RALGAPA1: variants seen among roughly 807,000 people sequenced by gnomAD.
RALGAPA1 encodes the protein Ral GTPase activating protein catalytic subunit alpha 1.
RALGAPA1 carries 52 observed loss-of-function variants against 269.6 expected under a neutral mutation model. That is an observed-to-expected ratio of 0.19 (90% CI 0.15 to 0.24). The LOEUF (loss-of-function observed/expected upper bound fraction) is 0.24, where lower values mean the gene tolerates loss of function less well. RALGAPA1 is among the 10% of genes least tolerant of loss of function. The pLI is 1.00. For missense variants in RALGAPA1, 1,917 were observed against 3,013.9 expected (o/e 0.64, Z 8.52); for synonymous variants, 817 against 1,008.3 (o/e 0.81, Z 3.60).
At chr14:35,783,265 T>G (rs2141662658) in intron 1 of RALGAPA1, among the ~76,000 whole-genome samples, 1 of 152,028 alleles carries the variant, frequency 6.6e-6, no homozygotes. Context: ...GATGATCAAC[T>G]GATCATCGAC....
chr14:35,782,744 A>G (rs2075534518), intron 1 of RALGAPA1, among the ~76,000 whole-genome samples: 1 of 152,126 alleles, frequency 6.6e-6, no homozygotes, highest in South Asian at 2.1e-4. Context: ...CTTTACCAAA[A>G]TCCTAACATA....
intron 1 of RALGAPA1, among the ~76,000 whole-genome samples, chr14:35,797,536 T>C (rs1373729027): frequency 6.6e-6 from 1 of 151,634 alleles, no homozygotes; most frequent in Non-Finnish European, 1.5e-5. Context: ...GTTAACAATA[T>C]ATTGTGTATC....
intron 17 of RALGAPA1, among the ~76,000 whole-genome samples, chr14:35,694,498 T>A (rs2066744933): frequency 6.6e-6 from 1 of 152,176 alleles, no homozygotes; most frequent in African/African-American, 2.4e-5. Flanking sequence ...AGATTAGATG[T>A]TCAATTTGCA....
At chr14:35,734,635 T>C (rs775476674) in intron 12 of RALGAPA1, among the ~76,000 whole-genome samples, 4 of 152,162 alleles carry the variant, frequency 2.6e-5, no homozygotes, top group Non-Finnish European at 5.9e-5. Context: ...CCTCTAGACA[T>C]TGGCTTAGGC....
At chr14:35,643,431 G>T (rs962155839) in intron 31 of RALGAPA1, among the ~76,000 whole-genome samples, 45 of 152,186 alleles carry the variant, frequency 3.0e-4, no homozygotes, top group Non-Finnish European at 2.8e-4. Flanking sequence ...TACACTGTTG[G>T]TGGGAATTTA....
chr14:35,696,164 T>C (rs2066879641), intron 17 of RALGAPA1, among the ~76,000 whole-genome samples: 1 of 151,970 alleles, frequency 6.6e-6, no homozygotes, highest in Admixed American at 6.6e-5. Flanking sequence ...GGCCAAGGTG[T>C]GGAGGATCAC....
At chr14:35,791,692 G>T (rs1330524535) in intron 1 of RALGAPA1, among the ~76,000 whole-genome samples, 1 of 151,400 alleles carries the variant, frequency 6.6e-6, no homozygotes, top group Non-Finnish European at 1.5e-5. Flanking sequence ...GGATCACGAG[G>T]TCAGGAGATC....
chr14:35,583,775 A>C (rs577426332), intron 37 of RALGAPA1, among the ~76,000 whole-genome samples: 39 of 152,318 alleles, frequency 2.6e-4, no homozygotes, highest in African/African-American at 9.4e-4. Flanking sequence ...GAAATTACAT[A>C]AGCAAGAAGA....
chr14:35,580,213 C>T (rs531920718), intron 37 of RALGAPA1, among the ~76,000 whole-genome samples: 1 of 152,114 alleles, frequency 6.6e-6, no homozygotes, highest in Admixed American at 6.5e-5. Context: ...AAGTATGTTA[C>T]AATTATCTCA....
At chr14:35,748,556 T>A (rs1373194620) in intron 10 of RALGAPA1, 29 bp downstream of exon 10, 1 of 1,574,234 alleles carries the variant, frequency 6.4e-7, no homozygotes, top group East Asian at 2.3e-5. Context: ...GCCTTCCTTA[T>A]AAATTAAAAA....
chr14:35,631,960 C>A (rs2061385189), intron 33 of RALGAPA1, among the ~76,000 whole-genome samples: 1 of 152,102 alleles, frequency 6.6e-6, no homozygotes, highest in Non-Finnish European at 1.5e-5. Flanking sequence ...GTCTTCTTCC[C>A]AAAGGTAGAG....
At chr14:35,541,896 T>C in intron 41 of RALGAPA1, 1 of 536,766 alleles carries the variant, frequency 1.9e-6, no homozygotes, top group East Asian at 6.8e-5. Context: ...AGTGCAGAAT[T>C]TTCTAGGTGT....
chr14:35,753,584 C>A (rs1459589948), intron 7 of RALGAPA1, among the ~76,000 whole-genome samples: 4 of 152,032 alleles, frequency 2.6e-5, no homozygotes, highest in African/African-American at 7.2e-5. Context: ...AGAAGCTAGT[C>A]AATAAAGACT....
At chr14:35,663,019 C>T (rs1332527502) in intron 27 of RALGAPA1, among the ~76,000 whole-genome samples, 1 of 152,104 alleles carries the variant, frequency 6.6e-6, no homozygotes, top group African/African-American at 2.4e-5. Context: ...GCTCTTCCCA[C>T]CTCAGCCTCC....
At chr14:35,777,169 T>C (rs979899873) in intron 1 of RALGAPA1, among the ~76,000 whole-genome samples, 4 of 152,094 alleles carry the variant, frequency 2.6e-5, no homozygotes, top group African/African-American at 9.6e-5. Context: ...GTTAACAAAA[T>C]ATATTTAAGA....
chr14:35,594,992 C>T (rs1164018010), intron 37 of RALGAPA1, among the ~76,000 whole-genome samples: 1 of 151,598 alleles, frequency 6.6e-6, no homozygotes, highest in Non-Finnish European at 1.5e-5. Flanking sequence ...ACTTGCTACA[C>T]ATGAATGGAC....
chr14:35,654,340 A>G, intron 30 of RALGAPA1, 27 bp downstream of exon 30: 6 of 1,558,780 alleles, frequency 3.8e-6, no homozygotes, highest in Non-Finnish European at 5.2e-6. Flanking sequence ...TAACAAGGTC[A>G]TAATAAATAA....
chr14:35,617,265 T>C (rs1388385046), intron 35 of RALGAPA1, among the ~76,000 whole-genome samples: 1 of 152,090 alleles, frequency 6.6e-6, no homozygotes, highest in African/African-American at 2.4e-5. Context: ...GTGGATCACC[T>C]AAGGCGAGGA....
chr14:35,622,330 T>A (rs781370642), intron 35 of RALGAPA1, among the ~76,000 whole-genome samples: 1 of 151,402 alleles, frequency 6.6e-6, no homozygotes, highest in African/African-American at 2.4e-5. Context: ...CACTTGGACA[T>A]AGGGTGGGGA....
Sources: gnomAD v4.1 joint callset for allele counts (sites outside exome capture counted in the v4.1 genomes callset) on GRCh38, gnomAD v4.1.1 for gene constraint, MANE v1.5 for transcripts, NCBI Gene and HGNC (gene_info 2026-07-23, HGNC 2026-07-21) for gene names.